The following BICD1 variants were observed in gnomAD, a reference collection of about 807,000 sequenced individuals.
The protein encoded by BICD1 is protein bicaudal D homolog 1.
BICD1 carries 35 observed loss-of-function variants against 92.5 expected under a neutral mutation model. The ratio of observed to expected loss-of-function variants is 0.38; its 90% CI spans 0.29 to 0.50. BICD1 has a LOEUF of 0.50. BICD1 is among the 20% of genes least tolerant of loss of function. The pLI, the probability that BICD1 is intolerant of heterozygous loss-of-function variation, is 0.93. For missense variants in BICD1, 950 were observed against 1,189.8 expected, an observed-to-expected ratio of 0.80 and a Z score of 2.97; for synonymous variants, 429 against 465.1, an observed-to-expected ratio of 0.92 and a Z score of 1.00.
chr12:32,264,403 G>C (rs998727692), intron 2 of BICD1, among the ~76,000 whole-genome samples: 8 of 152,146 alleles, frequency 5.3e-5, no homozygotes, highest in African/African-American at 1.9e-4. Context: ...TTGGCTATAT[G>C]TTTACAATAC....
chr12:32,272,486 G>T (rs1947167312), intron 2 of BICD1, among the ~76,000 whole-genome samples: 1 of 152,174 alleles, frequency 6.6e-6, no homozygotes, highest in Non-Finnish European at 1.5e-5. Flanking sequence ...TAATCTAAAT[G>T]GGTCCAGGTG....
Position 32,117,758 on chromosome 12 carries a change from A to ATAT in BICD1, c.213+10215_213+10216insATT, listed in dbSNP as rs1491222610. Among the ~76,000 whole-genome samples, 238 of 107,900 alleles carry ATAT rather than the reference A, an allele frequency of 2.2e-3. 2 individuals are homozygous for ATAT. The highest frequency in any genetic ancestry group is 3.3e-3 in the Non-Finnish European group (176 of 52,948). The allele number at this position is 107,900 out of a possible 152,430, so 70.8% of individuals were successfully genotyped here. A position where few individuals can be genotyped will look rare whatever the true frequency, so the allele number is the denominator to read the frequency against. On this transcript the variant is annotated intron_variant, in intron 1 of 9. Coordinates refer to ENST00000652176, the MANE Select transcript of BICD1 (RefSeq NM_001714.4). ...CACATATATATATATATATATATAT[A>ATAT]TTTTTTTTTAAGACCATATTTCGCT... is the stretch of plus-strand genomic sequence containing the variant.
intron 1 of BICD1, among the ~76,000 whole-genome samples, chr12:32,116,510 C>CTATATATATATATATATATATA (rs370907481): frequency 9.6e-6 from 1 of 104,366 alleles, no homozygotes; most frequent in Non-Finnish European, 1.9e-5. Context: ...CTCTCTCTCT[C>CTATATATATATATATATATATA]TATATATATA....
At chr12:32,215,104 CTG>C (rs1945313980) in intron 1 of BICD1, among the ~76,000 whole-genome samples, 1 of 152,152 alleles carries the variant, frequency 6.6e-6, no homozygotes, top group South Asian at 2.1e-4. Context: ...TGATGGGCGT[CTG>C]TAATCCCAGC....
intron 1 of BICD1, among the ~76,000 whole-genome samples, chr12:32,141,292 T>C (rs1942912382): frequency 6.6e-6 from 1 of 151,548 alleles, no homozygotes; most frequent in Non-Finnish European, 1.5e-5. Context: ...CCTTGTTATC[T>C]AGTTTATAGC....
At chr12:32,186,622 T>C (rs1203792233) in intron 1 of BICD1, among the ~76,000 whole-genome samples, 1 of 152,240 alleles carries the variant, frequency 6.6e-6, no homozygotes, top group African/African-American at 2.4e-5. Context: ...TATTATTTTT[T>C]ATTTGTTTCC....
At chr12:32,115,386 G>GTTTTTTT (rs149711623) in intron 1 of BICD1, among the ~76,000 whole-genome samples, 1 of 97,746 alleles carries the variant, frequency 1.0e-5, no homozygotes, top group African/African-American at 4.0e-5. Flanking sequence ...TGGTGTTTTT[G>GTTTTTTT]GTTTTTTTTT....
chr12:32,220,433 G>A (rs1234845371), intron 2 of BICD1, among the ~76,000 whole-genome samples: 1 of 152,158 alleles, frequency 6.6e-6, no homozygotes, highest in Non-Finnish European at 1.5e-5. Flanking sequence ...AGTGGGCGAA[G>A]GACATGAACA....
At chr12:32,209,109 CCG>C (rs1945142651) in intron 1 of BICD1, among the ~76,000 whole-genome samples, 1 of 152,188 alleles carries the variant, frequency 6.6e-6, no homozygotes, top group Non-Finnish European at 1.5e-5. Context: ...ACGTGAGCCA[CCG>C]CGCCCAGTCT....
rs1256434766 is a variant in BICD1, at chr12:32,382,858, T to C, written c.*5231T>C. ...TTATTTAAAAATAATTATTCAATGA[T>C]AGATAATGGAGATACAGAATGACTC... is the stretch of plus-strand genomic sequence containing the variant. On this transcript the variant is annotated 3_prime_UTR_variant, in exon 10 of 10. Transcript: ENST00000652176. 6.6e-6 allele frequency: 1 copy of C among 152,064 alleles called. No homozygotes were observed. Among genetic ancestry groups the C allele is most frequent in the African/African-American group, 2.4e-5 (1 of 41,444 alleles). The allele number at this position is 152,064 out of a possible 1,614,324, so 9.4% of individuals were successfully genotyped here.
intron 2 of BICD1, among the ~76,000 whole-genome samples, chr12:32,220,095 A>C (rs1945471133): frequency 1.3e-5 from 2 of 152,252 alleles, no homozygotes; most frequent in South Asian, 4.1e-4. Flanking sequence ...AACTAATTCA[A>C]GATGGATTAA....
At chr12:32,143,630 A>G (rs926488063) in intron 1 of BICD1, among the ~76,000 whole-genome samples, 18 of 151,978 alleles carry the variant, frequency 1.2e-4, no homozygotes, top group Admixed American at 7.9e-4. Flanking sequence ...GCTGCTCTGC[A>G]CCTGTTGTAC....
At chr12:32,234,912 T>C (rs1388289712) in intron 2 of BICD1, among the ~76,000 whole-genome samples, 1 of 152,034 alleles carries the variant, frequency 6.6e-6, no homozygotes, top group Non-Finnish European at 1.5e-5. Context: ...CTCAAACTCT[T>C]GGGCTCAAGC....
intron 4 of BICD1, among the ~76,000 whole-genome samples, chr12:32,317,976 C>A (rs1239281): frequency 2.0e-4 from 31 of 151,852 alleles, no homozygotes; most frequent in African/African-American, 6.5e-4. Flanking sequence ...GGAATCCTTT[C>A]CCCATTGCTT....
chr12:32,377,544 G>C lies in BICD1; in HGVS notation c.2845G>C (p.Asp949His). The C allele has an allele frequency of 6.2e-7, 1 of 1,613,888 alleles. No individual in the cohort carries two copies. The highest frequency in any genetic ancestry group is 8.5e-7 in the Non-Finnish European group (1 of 1,179,900). The change falls in exon 10 of 10, where the codon GAC becomes CAC. Residue 949 changes from aspartate to histidine, a missense_variant. Around this residue, in one of 5 missense-constraint regions of BICD1, gnomAD observed 179 missense variants for 186.7 expected, o/e 0.96. Coordinates refer to ENST00000652176, the MANE Select transcript of BICD1 (RefSeq NM_001714.4). ...GRQDCPTVSP[D>H]TALPEEQPHS... ...GTGCTTGTTTCTCCTTTCCAGTCCT[G>C]ACACAGCTCTCCCTGAGGAGCAGCC...
chr12:32,194,853 G>T (rs112340750), intron 1 of BICD1, among the ~76,000 whole-genome samples: 3 of 151,784 alleles, frequency 2.0e-5, no homozygotes, highest in Admixed American at 6.6e-5. Flanking sequence ...TTGCACTCCC[G>T]CCTGGGCAAC....
intron 2 of BICD1, among the ~76,000 whole-genome samples, chr12:32,251,869 A>C (rs1469751711): frequency 1.3e-5 from 2 of 149,574 alleles, no homozygotes; most frequent in African/African-American, 2.5e-5. Context: ...TGCCTTCTCA[A>C]AAGACATCTA....
At chr12:32,314,315 GT>G (rs1948447244) in intron 4 of BICD1, among the ~76,000 whole-genome samples, 1 of 152,170 alleles carries the variant, frequency 6.6e-6, no homozygotes, top group Non-Finnish European at 1.5e-5. Flanking sequence ...GGGTCATATG[GT>G]AATTCTATGT....
At chr12:32,127,530 G>A (rs1056241529) in intron 1 of BICD1, among the ~76,000 whole-genome samples, 2 of 152,220 alleles carry the variant, frequency 1.3e-5, no homozygotes, top group South Asian at 4.2e-4. Context: ...TGGTTTGTTG[G>A]TCTATTCTTG....
Sources: gnomAD v4.1 joint callset for allele counts (sites outside exome capture counted in the v4.1 genomes callset) on GRCh38, gnomAD v4.1.1 for gene constraint, gnomAD v4.1.1 regional missense constraint, MANE v1.5 for transcripts, NCBI Gene and HGNC (gene_info 2026-07-23, HGNC 2026-07-21) for gene names.